Variants in LRP1B observed in about 807,000 individuals in gnomAD.
LRP1B encodes low-density lipoprotein receptor-related protein 1B.
LRP1B carries 217 observed loss-of-function variants against 556.6 expected under a neutral mutation model. That is an observed-to-expected ratio of 0.39 (90% CI 0.35 to 0.44). LRP1B has a LOEUF of 0.44. LRP1B is among the 20% of genes least tolerant of loss of function. LRP1B has a pLI of 1.00. For synonymous variants in LRP1B, 2,047 were observed against 1,865.8 expected (o/e 1.10, Z -2.50); for missense variants, 5,053 against 5,620.8 (o/e 0.90, Z 3.23).
intron 43 of LRP1B, among the ~76,000 whole-genome samples, chr2:140,542,483 T>C (rs1680174975): frequency 6.6e-6 from 1 of 152,132 alleles, no homozygotes; most frequent in South Asian, 2.1e-4. Flanking sequence ...GACCATACTT[T>C]CACTCAGATC....
chr2:141,296,542 A>G (rs1686189463), intron 3 of LRP1B, among the ~76,000 whole-genome samples: 1 of 152,180 alleles, frequency 6.6e-6, no homozygotes, highest in Non-Finnish European at 1.5e-5. Context: ...GCTGTTAGCT[A>G]CATGAAGATG....
chr2:141,306,653 T>G (rs1686600258), intron 3 of LRP1B, among the ~76,000 whole-genome samples: 1 of 152,066 alleles, frequency 6.6e-6, no homozygotes, highest in African/African-American at 2.4e-5. Context: ...TTTTTTCTTC[T>G]AATTTTGGGT....
At chr2:141,297,959 AG>A (rs1213587536) in intron 3 of LRP1B, among the ~76,000 whole-genome samples, 1 of 152,192 alleles carries the variant, frequency 6.6e-6, no homozygotes, top group Non-Finnish European at 1.5e-5. Context: ...GGTCTGTGTA[AG>A]TACACTCTGT....
chr2:141,952,379 G>T (rs915783565), intron 1 of LRP1B, among the ~76,000 whole-genome samples: 1 of 152,100 alleles, frequency 6.6e-6, no homozygotes, highest in Non-Finnish European at 1.5e-5. Context: ...TAATGGGATG[G>T]CTGGGTCAAA....
At chr2:140,527,195 A>G (rs146292713) in intron 47 of LRP1B, among the ~76,000 whole-genome samples, 41 of 152,050 alleles carry the variant, frequency 2.7e-4, no homozygotes, top group African/African-American at 9.6e-4. Context: ...TTGCTTACCC[A>G]TTGATAATCA....
At chr2:140,375,487 G>C (rs1441253065) in intron 68 of LRP1B, among the ~76,000 whole-genome samples, 3 of 152,046 alleles carry the variant, frequency 2.0e-5, no homozygotes, top group African/African-American at 7.2e-5. Context: ...CTTTTCACTG[G>C]CAGATGTAGA....
intron 43 of LRP1B, among the ~76,000 whole-genome samples, chr2:140,595,092 A>ATG (rs1385323966): frequency 6.9e-5 from 1 of 14,406 alleles, no homozygotes; most frequent in Non-Finnish European, 1.4e-4. Context: ...AATTGAATAT[A>ATG]TATATATATA....
At chr2:141,085,234 G>A (rs551141152) in intron 7 of LRP1B, among the ~76,000 whole-genome samples, 3 of 151,966 alleles carry the variant, frequency 2.0e-5, no homozygotes, top group Admixed American at 2.0e-4. Context: ...AAAATAAATT[G>A]CAAACTTCAT....
intron 7 of LRP1B, among the ~76,000 whole-genome samples, chr2:141,184,704 T>A (rs555823954): frequency 6.6e-6 from 1 of 151,862 alleles, no homozygotes; most frequent in East Asian, 2.0e-4. Flanking sequence ...TTTTCTCTTA[T>A]CAATATGTCT....
intron 66 of LRP1B, among the ~76,000 whole-genome samples, chr2:140,394,835 A>G (rs931492781): frequency 4.6e-5 from 7 of 152,096 alleles, no homozygotes; most frequent in African/African-American, 1.7e-4. Flanking sequence ...GAAAGAGATT[A>G]TTTTTCTCCC....
chr2:141,579,083 A>G (rs1686861853), intron 2 of LRP1B, among the ~76,000 whole-genome samples: 2 of 152,178 alleles, frequency 1.3e-5, no homozygotes, highest in Admixed American at 6.5e-5. Context: ...ACAAAACTAT[A>G]TTGGATATAC....
chr2:141,296,989 A>C (rs1686206371), intron 3 of LRP1B, among the ~76,000 whole-genome samples: 1 of 152,182 alleles, frequency 6.6e-6, no homozygotes, highest in African/African-American at 2.4e-5. Flanking sequence ...TAATTTCCTT[A>C]GAATAATGGA....
chr2:141,979,495 C>T (rs1362676096), intron 1 of LRP1B, among the ~76,000 whole-genome samples: 1 of 152,040 alleles, frequency 6.6e-6, no homozygotes, highest in Non-Finnish European at 1.5e-5. Flanking sequence ...GGTAGACTCA[C>T]CAACATATTA....
chr2:140,727,528 G>A (rs1056762646), intron 35 of LRP1B, among the ~76,000 whole-genome samples: 1 of 152,178 alleles, frequency 6.6e-6, no homozygotes, highest in Non-Finnish European at 1.5e-5. Context: ...TGGAGGAAGT[G>A]AAGCTTTTCC....
At chr2:142,063,972 T>C (rs911794716) in intron 1 of LRP1B, among the ~76,000 whole-genome samples, 2 of 151,628 alleles carry the variant, frequency 1.3e-5, no homozygotes, top group African/African-American at 4.8e-5. Flanking sequence ...CATACAATGA[T>C]GCTTTTTGAG....
At chr2:141,041,379 C>A (rs1048128684) in intron 11 of LRP1B, among the ~76,000 whole-genome samples, 3 of 152,080 alleles carry the variant, frequency 2.0e-5, no homozygotes, top group African/African-American at 7.2e-5. Context: ...TAGGTGCAAG[C>A]AGAGCTGATC....
At chr2:141,358,244 C>G (rs754914691) in intron 3 of LRP1B, among the ~76,000 whole-genome samples, 1 of 152,174 alleles carries the variant, frequency 6.6e-6, no homozygotes, top group African/African-American at 2.4e-5. Context: ...AAATCACAAT[C>G]AGGAAAGGTG....
chr2:141,577,696 G>C (rs891092476), intron 2 of LRP1B, among the ~76,000 whole-genome samples: 1 of 152,048 alleles, frequency 6.6e-6, no homozygotes, highest in African/African-American at 2.4e-5. Flanking sequence ...ATTACCTCTC[G>C]CAGATCATAG....
At chr2:141,950,781 C>T (rs1014595448) in intron 1 of LRP1B, among the ~76,000 whole-genome samples, 2 of 152,024 alleles carry the variant, frequency 1.3e-5, no homozygotes, top group African/African-American at 2.4e-5. Flanking sequence ...AGGTAACTCG[C>T]ATTTCTAAGA....
Sources: allele counts gnomAD v4.1 joint callset (sites outside exome capture counted in the v4.1 genomes callset), GRCh38; gene constraint gnomAD v4.1.1; transcripts MANE v1.5; gene names NCBI Gene and HGNC (gene_info 2026-07-23, HGNC 2026-07-21).